The following CD38 variants were observed in gnomAD, a reference collection of about 807,000 sequenced individuals.
CD38 encodes CD38 molecule.
CD38 carries 31 observed loss-of-function variants against 36.3 expected under a neutral mutation model. That is an observed-to-expected ratio of 0.85 (90% CI 0.64 to 1.15). The LOEUF (loss-of-function observed/expected upper bound fraction) is 1.15, where lower values mean the gene tolerates loss of function less well. Among genes scored for constraint, CD38 ranks in the 50% most tolerant of loss-of-function variants. The pLI is 0.00. For synonymous variants in CD38, 131 were observed against 135.2 expected, an observed-to-expected ratio of 0.97 and a Z score of 0.22; for missense variants, 380 against 371.9, an observed-to-expected ratio of 1.02 and a Z score of -0.18.
intron 2 of CD38, among the ~76,000 whole-genome samples, chr4:15,819,224 C>A (rs943267572): frequency 6.6e-6 from 1 of 152,056 alleles, no homozygotes; most frequent in African/African-American, 2.4e-5. Flanking sequence ...AGGAGAAATA[C>A]CTAACGTAGG....
chr4:15,779,158 TGTAGAA>T (rs1170870780), intron 1 of CD38, among the ~76,000 whole-genome samples: 1 of 151,968 alleles, frequency 6.6e-6, no homozygotes, highest in East Asian at 1.9e-4. Context: ...GGGAGGAGGG[TGTAGAA>T]GGGCCAAACC....
intron 3 of CD38, among the ~76,000 whole-genome samples, chr4:15,827,592 C>G (rs1723875428): frequency 6.6e-6 from 1 of 152,034 alleles, no homozygotes; most frequent in South Asian, 2.1e-4. Context: ...TCCCTTTTAA[C>G]AATGACTGTT....
At chr4:15,825,310 A>C (rs1577654403) in intron 3 of CD38, 1 of 347,914 alleles carries the variant, frequency 2.9e-6, no homozygotes, top group Non-Finnish European at 5.4e-6. Flanking sequence ...GAGAAGGGGA[A>C]GGGGAGCTGG....
At chr4:15,814,785 G>GT (rs1481516307) in intron 1 of CD38, among the ~76,000 whole-genome samples, 5 of 147,294 alleles carry the variant, frequency 3.4e-5, no homozygotes, top group Non-Finnish European at 5.9e-5. Context: ...TCTCTGTTCT[G>GT]TTTTTGTTTT....
At chr4:15,806,882 C>T (rs983337338) in intron 1 of CD38, among the ~76,000 whole-genome samples, 10 of 152,332 alleles carry the variant, frequency 6.6e-5, no homozygotes, top group Admixed American at 3.3e-4. Context: ...GGTAAACTTT[C>T]ATCAGTGGGT....
At chr4:15,808,200 T>C (rs776975805) in intron 1 of CD38, among the ~76,000 whole-genome samples, 28 of 152,334 alleles carry the variant, frequency 1.8e-4, no homozygotes, top group Non-Finnish European at 3.8e-4. Flanking sequence ...GAGAAAGCTC[T>C]ATTGGAAGAG....
rs190406302 is a variant in CD38 at position 15,798,018 on chromosome 4, T to C, written c.234-18493T>C. ...CAGTTAAGATGTTTTTGGCTGCAAC[T>C]AACAGAACATTCAACTGAAAAGGTT... On this transcript the variant is annotated intron_variant, in intron 1 of 7. Transcript: ENST00000226279. Among the ~76,000 whole-genome samples the C allele has an allele frequency of 2.2e-3, 335 of 152,312 alleles. 1 individual carries two copies. The highest frequency in any genetic ancestry group is 7.8e-3 in the African/African-American group (323 of 41,584).
intron 2 of CD38, chr4:15,816,842 A>G (rs1220222005): frequency 1.7e-6 from 1 of 574,130 alleles, no homozygotes; most frequent in Non-Finnish European, 3.1e-6. Flanking sequence ...AAGGGAGCTA[A>G]GAGAGAGAAA....
intron 1 of CD38, among the ~76,000 whole-genome samples, chr4:15,799,978 C>G (rs1451282323): frequency 1.3e-5 from 2 of 152,100 alleles, no homozygotes; most frequent in Non-Finnish European, 2.9e-5. Context: ...CATTATTTTC[C>G]CTTCAGGTGC....
Position 15,816,491 on chromosome 4 carries a change from T to C in CD38, c.234-20T>C. 6.4e-7 allele frequency: 1 copy of C among 1,560,590 alleles called. No individual in the cohort carries two copies. Among genetic ancestry groups the C allele is most frequent in the Non-Finnish European group, 8.7e-7 (1 of 1,151,820 alleles). ...TTAAAATCAAATAATTTATGTTTTA[T>C]TTTCTGTGTTTTATCTCAGACATGT... On this transcript the variant is annotated intron_variant, in intron 1 of 7. Transcript: ENST00000226279.
At chr4:15,808,545 A>G (rs904665028) in intron 1 of CD38, among the ~76,000 whole-genome samples, 1 of 152,322 alleles carries the variant, frequency 6.6e-6, no homozygotes, top group East Asian at 1.9e-4. Context: ...AATTGAGACT[A>G]TAAGAAGGAG....
intron 1 of CD38, among the ~76,000 whole-genome samples, chr4:15,794,776 A>G (rs766842093): frequency 9.2e-6 from 1 of 108,438 alleles, no homozygotes; most frequent in Non-Finnish European, 2.1e-5. Context: ...TTTTCATAGG[A>G]AAAAAATGGT....
chr4:15,850,997 A>T lies in CD38; in HGVS notation c.*2395A>T, dbSNP rs1231121991. The stretch of plus-strand genomic sequence containing the variant: ...CCCCTTCCAAACAAGAAATCAAAAT[A>T]TTAGAAATCAATTTTTGAAATTTCC... On this transcript the variant is annotated 3_prime_UTR_variant, in exon 8 of 8. Transcript: ENST00000226279. The T allele has an allele frequency of 6.6e-6, 1 of 152,190 alleles. No individual in the cohort carries two copies. The allele number at this position is 152,190 out of a possible 1,614,324, so 9.4% of individuals were successfully genotyped here.
At chr4:15,818,512 G>A (rs947127695) in intron 2 of CD38, among the ~76,000 whole-genome samples, 4 of 152,204 alleles carry the variant, frequency 2.6e-5, no homozygotes, top group African/African-American at 9.6e-5. Flanking sequence ...CTAAAGGACG[G>A]ATTGCCTCCT....
intron 3 of CD38, among the ~76,000 whole-genome samples, chr4:15,829,020 G>A (rs556583912): frequency 2.0e-5 from 3 of 152,112 alleles, no homozygotes; most frequent in Non-Finnish European, 4.4e-5. Context: ...CTTCTGACAG[G>A]TGTGAGATGA....
intron 1 of CD38, among the ~76,000 whole-genome samples, chr4:15,796,665 G>A (rs1723109713): frequency 6.6e-6 from 1 of 152,012 alleles, no homozygotes; most frequent in African/African-American, 2.4e-5. Flanking sequence ...TGTCTCAGAG[G>A]CAAATACTGC....
intron 4 of CD38, among the ~76,000 whole-genome samples, chr4:15,835,468 C>G (rs1034053710): frequency 7.0e-6 from 1 of 142,792 alleles, no homozygotes; most frequent in Admixed American, 7.2e-5. Context: ...ACCACCACCT[C>G]CTAAGTTCAA....
intron 1 of CD38, among the ~76,000 whole-genome samples, chr4:15,804,273 T>C (rs1723293538): frequency 6.6e-6 from 1 of 152,174 alleles, no homozygotes; most frequent in South Asian, 2.1e-4. Flanking sequence ...CTAATTTACA[T>C]TCCCACCAAC....
chr4:15,831,221 AT>A (rs1723951917), intron 3 of CD38, among the ~76,000 whole-genome samples: 1 of 152,094 alleles, frequency 6.6e-6, no homozygotes, highest in Non-Finnish European at 1.5e-5. Flanking sequence ...TTTATGTCTT[AT>A]TGTACTTTAT....
Sources: gnomAD v4.1 joint callset for allele counts (sites outside exome capture counted in the v4.1 genomes callset) on GRCh38, gnomAD v4.1.1 for gene constraint, MANE v1.5 for transcripts, NCBI Gene and HGNC (gene_info 2026-07-23, HGNC 2026-07-21) for gene names.